PXDNL: variants seen among roughly 807,000 people sequenced by gnomAD.
PXDNL encodes probable oxidoreductase PXDNL.
Under a neutral mutation model 150.8 loss-of-function variants are expected in PXDNL, and 145 were observed. The observed-to-expected ratio is 0.96, with a 90% CI of 0.84 to 1.10. PXDNL has a LOEUF of 1.10. Among genes scored for constraint, PXDNL ranks in the 50% least tolerant of loss-of-function variants. The pLI, the probability that PXDNL is intolerant of heterozygous loss-of-function variation, is 0.00. For missense variants in PXDNL, 2,087 were observed against 1,873.9 expected, an observed-to-expected ratio of 1.11 and a Z score of -2.10; for synonymous variants, 757 against 725.7, an observed-to-expected ratio of 1.04 and a Z score of -0.69.
At chr8:51,671,003 C>T (rs1484400184) in intron 1 of PXDNL, among the ~76,000 whole-genome samples, 1 of 152,022 alleles carries the variant, frequency 6.6e-6, no homozygotes, top group Admixed American at 6.6e-5. Context: ...TGAAACAAGA[C>T]TAAGAAAAAT....
chr8:51,732,446 C>T (rs1563303281), intron 1 of PXDNL, among the ~76,000 whole-genome samples: 1 of 152,202 alleles, frequency 6.6e-6, no homozygotes, highest in Non-Finnish European at 1.5e-5. Flanking sequence ...CTAGGAAGTT[C>T]CAAACTTTCC....
In PXDNL at chr8:51,453,774, A is replaced by T. The variant is rs767878201; in HGVS notation, c.994T>A (p.Phe332Ile). Residue 332 changes from phenylalanine to isoleucine, a missense_variant, in exon 10 of 23, where the codon TTT becomes ATT. Coordinates refer to ENST00000356297, the MANE Select transcript of PXDNL (RefSeq NM_144651.5). ...TCTGTGTCCTGAGGCTGGATTACAA[A>T]GCTTGGTTTGGCTGATGGTAAAGGG... ...RYSSLPAKPS[F>I]VIQPQDTEVL... is the part of the protein sequence containing the mutation. 1.9e-6 allele frequency: 3 copies of T among 1,613,860 alleles called. No homozygotes were observed. In the South Asian group the frequency reaches 3.3e-5, roughly 18 times the overall value.
chr8:51,351,509 G>A (rs930733738), intron 19 of PXDNL, among the ~76,000 whole-genome samples: 2 of 152,200 alleles, frequency 1.3e-5, no homozygotes, highest in Non-Finnish European at 2.9e-5. Flanking sequence ...GCCCTCAGTT[G>A]GAACCAGCCC....
chr8:51,447,270 G>T, intron 11 of PXDNL, 108 bp from the exon 12 acceptor site: 1 of 1,143,998 alleles, frequency 8.7e-7, no homozygotes, highest in Non-Finnish European at 1.2e-6. Flanking sequence ...GAAATTCTCG[G>T]TGCTAGGGTG....
At chr8:51,423,512 T>C (rs1365154413) in intron 14 of PXDNL, 63 bp downstream of exon 14, 14 of 1,393,622 alleles carry the variant, frequency 1.0e-5, no homozygotes, top group African/African-American at 1.4e-5. Context: ...TCAAATAGGA[T>C]TGGGGTAGAA....
intron 17 of PXDNL, among the ~76,000 whole-genome samples, chr8:51,377,622 G>A (rs1179974999): frequency 6.6e-6 from 1 of 152,228 alleles, no homozygotes; most frequent in East Asian, 1.9e-4. Context: ...CAGCTCGCCG[G>A]CACCACCCGT....
chr8:51,801,772 G>A (rs1467905514), intron 1 of PXDNL, among the ~76,000 whole-genome samples: 1 of 152,182 alleles, frequency 6.6e-6, no homozygotes, highest in Non-Finnish European at 1.5e-5. Flanking sequence ...ATTGTGGCTG[G>A]ACTGGTAGGC....
chr8:51,504,487 C>T (rs774389384), intron 4 of PXDNL, among the ~76,000 whole-genome samples: 6 of 152,268 alleles, frequency 3.9e-5, no homozygotes, highest in South Asian at 4.1e-4. Context: ...ACCCTTCTTG[C>T]CTGGTAATTC....
chr8:51,702,833 A>G (rs966220318), intron 1 of PXDNL, among the ~76,000 whole-genome samples: 3 of 152,178 alleles, frequency 2.0e-5, no homozygotes, highest in Non-Finnish European at 4.4e-5. Flanking sequence ...GTATCCAATC[A>G]ATCCAGAAAT....
rs755666717 is a variant in PXDNL at position 51,608,054 on chromosome 8, A to AAAGC, written c.237-15360_237-15357dup. Among the ~76,000 whole-genome samples, 882 of 111,638 alleles carry AAAGC rather than the reference A, an allele frequency of 7.9e-3. 42 individuals carry two copies. Among genetic ancestry groups the AAAGC allele is most frequent in the African/African-American group, 0.012 (273 of 23,534 alleles). 73.2% of individuals were successfully genotyped at this position (111,638 alleles called of 152,430 possible). A position where few individuals can be genotyped will look rare whatever the true frequency, so the allele number is the denominator to read the frequency against. ...GAAAGAAAGAAAGAAAGAAAGAAAG[A>AAAGC]AAGCAAGCAAGCAAGCAAGCAAGCA... On this transcript the variant is annotated intron_variant, in intron 2 of 22. Transcript: ENST00000356297.
At chr8:51,646,146 TAAGTG>T (rs1814915515) in intron 2 of PXDNL, among the ~76,000 whole-genome samples, 2 of 152,292 alleles carry the variant, frequency 1.3e-5, no homozygotes, top group African/African-American at 4.8e-5. Context: ...GAATTAATGT[TAAGTG>T]AAGTCTTAAG....
At chr8:51,427,728 A>G (rs1809146237) in intron 12 of PXDNL, among the ~76,000 whole-genome samples, 1 of 152,316 alleles carries the variant, frequency 6.6e-6, no homozygotes, top group African/African-American at 2.4e-5. Context: ...AGAAAATAAA[A>G]GTAGAGGGGA....
Position 51,319,743 on chromosome 8 carries a change from C to A in PXDNL, c.*148G>T, listed in dbSNP as rs140109714. On this transcript the variant is annotated 3_prime_UTR_variant, in exon 23 of 23. Transcript: ENST00000356297. The stretch of plus-strand genomic sequence containing the variant: ...GTTAGAAAATGAAAAAATAAAAGAT[C>A]GTAAGTATATGTAAGATTAGATGAA... The A allele has an allele frequency of 7.4e-6, 4 of 538,420 alleles. No homozygotes were observed. Among genetic ancestry groups the A allele is most frequent in the Non-Finnish European group, 1.2e-5 (4 of 346,162 alleles). 33.4% of individuals were successfully genotyped at this position (538,420 alleles called of 1,614,324 possible).
At chr8:51,596,895 A>C (rs1361763175) in intron 2 of PXDNL, among the ~76,000 whole-genome samples, 2 of 152,072 alleles carry the variant, frequency 1.3e-5, no homozygotes, top group African/African-American at 4.8e-5. Flanking sequence ...GCTGTGCAGA[A>C]GCTCTTTATT....
At chr8:51,530,706 C>G (rs1811880981) in intron 4 of PXDNL, among the ~76,000 whole-genome samples, 1 of 152,160 alleles carries the variant, frequency 6.6e-6, no homozygotes, top group Admixed American at 6.5e-5. Flanking sequence ...GTGTAGTGCT[C>G]TGTTCCTGAG....
At chr8:51,719,581 A>T (rs551142949) in intron 1 of PXDNL, among the ~76,000 whole-genome samples, 1 of 151,282 alleles carries the variant, frequency 6.6e-6, no homozygotes, top group Admixed American at 6.6e-5. Flanking sequence ...TCCCTCCACT[A>T]TTGTCCTATG....
intron 2 of PXDNL, among the ~76,000 whole-genome samples, chr8:51,635,486 C>G (rs747686027): frequency 6.6e-6 from 1 of 151,748 alleles, no homozygotes; most frequent in Non-Finnish European, 1.5e-5. Flanking sequence ...TTTAGCTAGG[C>G]TAACCATGAA....
intron 12 of PXDNL, among the ~76,000 whole-genome samples, chr8:51,432,452 G>A (rs1366510009): frequency 1.3e-5 from 2 of 152,132 alleles, no homozygotes; most frequent in Non-Finnish European, 2.9e-5. Context: ...CTCTTCTAGG[G>A]TTTTGATTGG....
At chr8:51,468,212 G>A (rs903824504) in intron 8 of PXDNL, among the ~76,000 whole-genome samples, 6 of 151,848 alleles carry the variant, frequency 4.0e-5, no homozygotes, top group Non-Finnish European at 5.9e-5. Flanking sequence ...GTTCCTAATC[G>A]TTCTGGGAAA....
Sources: allele counts gnomAD v4.1 joint callset (sites outside exome capture counted in the v4.1 genomes callset), GRCh38; gene constraint gnomAD v4.1.1; transcripts MANE v1.5; gene names NCBI Gene and HGNC (gene_info 2026-07-23, HGNC 2026-07-21).